Variants in C19orf47 observed in about 807,000 individuals in gnomAD.
The protein encoded by C19orf47 is uncharacterized protein C19orf47.
Under a neutral mutation model 32.3 loss-of-function variants are expected in C19orf47, and 18 were observed. The ratio of observed to expected loss-of-function variants is 0.56; its 90% CI spans 0.39 to 0.83. The LOEUF (loss-of-function observed/expected upper bound fraction) is 0.83. Among genes scored for constraint, C19orf47 ranks in the 40% least tolerant of loss-of-function variants. C19orf47 has a pLI of 0.00. For synonymous variants in C19orf47, 202 were observed against 211.1 expected, an observed-to-expected ratio of 0.96 and a Z score of 0.37; for missense variants, 484 against 531.6, an observed-to-expected ratio of 0.91 and a Z score of 0.88.
chr19:40,315,178 T>C (rs1200384863), downstream of C19orf47, among the ~76,000 whole-genome samples: 2 of 152,272 alleles, frequency 1.3e-5, no homozygotes, highest in African/African-American at 2.4e-5. Context: ...TAGGCAAAAC[T>C]AAGGCAATCT....
At chr19:40,344,030 A>C (rs1360546188) in intron 1 of C19orf47, among the ~76,000 whole-genome samples, 2 of 151,356 alleles carry the variant, frequency 1.3e-5, no homozygotes, top group Non-Finnish European at 2.9e-5. Flanking sequence ...TCCTGACCTC[A>C]AGTGATCTGC....
At chr19:40,347,267 C>A (rs1013828101) in intron 1 of C19orf47, among the ~76,000 whole-genome samples, 2 of 152,046 alleles carry the variant, frequency 1.3e-5, no homozygotes, top group Non-Finnish European at 2.9e-5. Context: ...CGGTGGCTCA[C>A]ACCTGTAATC....
At chr19:40,332,130 G>A (rs1002846243) in intron 5 of C19orf47, among the ~76,000 whole-genome samples, 26 of 151,920 alleles carry the variant, frequency 1.7e-4, no homozygotes, top group African/African-American at 5.8e-4. Flanking sequence ...GGCTGAGGCA[G>A]GTGGATCGTT....
the C19orf47 span, among the ~76,000 whole-genome samples, chr19:40,295,496 G>A: frequency 6.6e-6 from 1 of 151,402 alleles, no homozygotes; most frequent in Non-Finnish European, 1.5e-5. Flanking sequence ...GTGCAATAAC[G>A]TGGTCTCAGC....
At chr19:40,301,033 C>T in the C19orf47 span, among the ~76,000 whole-genome samples, 4 of 152,098 alleles carry the variant, frequency 2.6e-5, no homozygotes, top group South Asian at 8.3e-4. Context: ...TGTGGTGGTG[C>T]ACACCTGTAA....
rs906899369 is a variant in C19orf47 at position 40,347,309 on chromosome 19, C to T, written c.-34+1015G>A. Among the ~76,000 whole-genome samples, 13 of 152,122 alleles carry T rather than the reference C, an allele frequency of 8.5e-5. No individual in the cohort carries two copies. In the East Asian group the frequency reaches 2.3e-3, roughly 27 times the overall value. ...CTTTGGGAGGCAGAGGCGGGCAGATCACCTGAAGTCAGAAGTTCGAGACCA... is the reference window on the plus strand; with the variant it reads ...CTTTGGGAGGCAGAGGCGGGCAGATTACCTGAAGTCAGAAGTTCGAGACCA... On this transcript the variant is annotated intron_variant, in intron 1 of 8. Coordinates refer to ENST00000683109, the MANE Select transcript of C19orf47 (RefSeq NM_001256441.2).
chr19:40,301,241 T>A, the C19orf47 span, among the ~76,000 whole-genome samples: 1 of 152,014 alleles, frequency 6.6e-6, no homozygotes, highest in East Asian at 1.9e-4. Context: ...AATTTTTTTT[T>A]AATACCTACA....
intron 4 of C19orf47, 133 bp from the exon 5 acceptor site, chr19:40,334,062 A>C (rs2078009873): frequency 1.7e-6 from 1 of 578,450 alleles, no homozygotes; most frequent in South Asian, 2.6e-5. Context: ...TAACCATAAG[A>C]AAGCATCAGA....
chr19:40,317,468 A>G (rs2077669749), downstream of C19orf47, among the ~76,000 whole-genome samples: 1 of 150,834 alleles, frequency 6.6e-6, no homozygotes, highest in African/African-American at 2.4e-5. Context: ...GAATCAGTGA[A>G]AAAAAAAAAT....
intron 1 of C19orf47, 81 bp from the exon 2 acceptor site, chr19:40,341,971 A>C: frequency 2.0e-6 from 3 of 1,532,952 alleles, no homozygotes; most frequent in Non-Finnish European, 2.6e-6. Context: ...GTCTGTCTGC[A>C]TGCCAGAGGA....
At chr19:40,343,079 C>T (rs2078208139) in intron 1 of C19orf47, among the ~76,000 whole-genome samples, 1 of 152,150 alleles carries the variant, frequency 6.6e-6, no homozygotes, top group Non-Finnish European at 1.5e-5. Flanking sequence ...CAACGCTATG[C>T]GACTCCAGGA....
the C19orf47 span, among the ~76,000 whole-genome samples, chr19:40,297,991 G>A: frequency 6.6e-6 from 1 of 150,498 alleles, no homozygotes; most frequent in African/African-American, 2.5e-5. Flanking sequence ...AGTGAGCCGA[G>A]ATAGAGTCAC....
At position 40,347,752 on chromosome 19, in the gene C19orf47, T is replaced by C. The variant is rs73046327; in HGVS notation, c.-34+572A>G. On this transcript the variant is annotated intron_variant, in intron 1 of 8. Coordinates refer to ENST00000683109, the MANE Select transcript of C19orf47 (RefSeq NM_001256441.2). ...TCTGAGCTTTCTCCCCCAGCTTCCC[T>C]GGAATTCCCAGCTACACCAATGACT... Among the ~76,000 whole-genome samples the C allele has an allele frequency of 2.3e-3, 357 of 152,272 alleles. 4 individuals are homozygous for C. The highest frequency in any genetic ancestry group is 6.3e-3 in the African/African-American group (260 of 41,554).
chr19:40,301,103 C>T, the C19orf47 span, among the ~76,000 whole-genome samples: 1,830 of 152,100 alleles, frequency 0.012, 16 homozygotes, highest in Non-Finnish European at 0.02. Context: ...GTGGAGGTTA[C>T]ACTGAACCGA....
chr19:40,312,827 G>GAGATAATATAAGAT, the C19orf47 span, among the ~76,000 whole-genome samples: 1 of 152,164 alleles, frequency 6.6e-6, no homozygotes, highest in African/African-American at 2.4e-5. Context: ...CAACCCCTGG[G>GAGATAATATAAGAT]ACTATAAGAG....
chr19:40,334,620 C>T (rs995521356), intron 4 of C19orf47, among the ~76,000 whole-genome samples: 8 of 152,116 alleles, frequency 5.3e-5, no homozygotes, highest in Admixed American at 1.3e-4. Context: ...TGGTGGCGCA[C>T]GCCTGTAATC....
chr19:40,338,338 A>AAT (rs999512072), intron 2 of C19orf47, among the ~76,000 whole-genome samples: 3 of 142,900 alleles, frequency 2.1e-5, no homozygotes, highest in African/African-American at 2.7e-5. Context: ...TATATACACA[A>AAT]ATATATATAT....
At position 40,321,915 on chromosome 19, in the gene C19orf47, G is replaced by T; in HGVS notation, c.1125C>A (p.Ser375Arg). The T allele has an allele frequency of 1.2e-6, 2 of 1,611,788 alleles. No homozygotes were observed. The highest frequency in any genetic ancestry group is 1.7e-6 in the Non-Finnish European group (2 of 1,179,306). ...TCCTGCGGCCCAGTCTTTTGAACACGCTCACAGTGCCCGCGTGGTCCATCT... is the reference window on the plus strand; with the variant it reads ...TCCTGCGGCCCAGTCTTTTGAACACTCTCACAGTGCCCGCGTGGTCCATCT... ...GAQMDHAGTVSVFKRLGRRTF is the reference protein window; with the variant it reads ...GAQMDHAGTVRVFKRLGRRTF The change falls in exon 9 of 9, where the codon AGC becomes AGA. Residue 375 changes from serine (S) to arginine (R), a missense_variant. By Grantham distance (110) the Ser-to-Arg change is moderately radical. This residue lies in a region of C19orf47 where 51 missense variants were observed against 74.5 expected (regional missense o/e 0.68). Transcript: ENST00000683109.
the C19orf47 span, among the ~76,000 whole-genome samples, chr19:40,295,081 G>A: frequency 1.3e-5 from 2 of 150,738 alleles, no homozygotes; most frequent in African/African-American, 4.9e-5. Context: ...GAGTGCAGTG[G>A]CTTAATCTCG....
Sources: allele counts gnomAD v4.1 joint callset (sites outside exome capture counted in the v4.1 genomes callset), GRCh38; gene constraint gnomAD v4.1.1; regional missense constraint gnomAD v4.1.1; transcripts MANE v1.5; gene names NCBI Gene and HGNC (gene_info 2026-07-23, HGNC 2026-07-21).